PTPRD: variants seen among roughly 807,000 people sequenced by gnomAD.
PTPRD encodes protein tyrosine phosphatase receptor type D, also known as receptor-type tyrosine-protein phosphatase delta.
PTPRD carries 34 observed loss-of-function variants against 214.5 expected under a neutral mutation model. The ratio of observed to expected loss-of-function variants is 0.16; its 90% confidence interval spans 0.12 to 0.21. PTPRD has a LOEUF of 0.21. Ranked by LOEUF, PTPRD falls within the 10% of genes least tolerant of loss-of-function variation. The probability of loss-of-function intolerance (pLI) is 1.00; values close to 1 mark genes in which losing one functional copy is unlikely to be tolerated. For missense variants in PTPRD, 2,545 were observed against 2,398.7 expected (o/e 1.06, Z -1.27); for synonymous variants, 1,128 against 845.7 (o/e 1.33, Z -5.79).
chr9:10,011,913 T>A (rs1165874967), intron 4 of PTPRD, among the ~76,000 whole-genome samples: 1 of 151,854 alleles, frequency 6.6e-6, no homozygotes, highest in African/African-American at 2.4e-5. Flanking sequence ...CTTCATAGAG[T>A]CCCTTCCATT....
intron 10 of PTPRD, among the ~76,000 whole-genome samples, chr9:9,161,143 C>G (rs1166553263): frequency 2.0e-5 from 3 of 152,144 alleles, no homozygotes; most frequent in African/African-American, 7.2e-5. Flanking sequence ...GGCAGGGTGA[C>G]TATAGTCAAT....
chr9:10,377,652 T>C (rs1436392444), intron 2 of PTPRD, among the ~76,000 whole-genome samples: 1 of 152,062 alleles, frequency 6.6e-6, no homozygotes, highest in African/African-American at 2.4e-5. Context: ...TAGTATTCCA[T>C]GGTGTATATA....
chr9:9,035,081 T>A (rs990427626), intron 10 of PTPRD, among the ~76,000 whole-genome samples: 1 of 152,062 alleles, frequency 6.6e-6, no homozygotes, highest in Non-Finnish European at 1.5e-5. Flanking sequence ...TGGGATTGGA[T>A]TTTTTGCATC....
intron 3 of PTPRD, among the ~76,000 whole-genome samples, chr9:10,254,927 C>A (rs867514981): frequency 6.6e-6 from 1 of 152,090 alleles, no homozygotes; most frequent in Admixed American, 6.5e-5. Flanking sequence ...TTAAGAAATC[C>A]AAATATATAT....
intron 2 of PTPRD, among the ~76,000 whole-genome samples, chr9:10,490,779 G>T (rs963624031): frequency 6.6e-6 from 1 of 151,946 alleles, no homozygotes; most frequent in Admixed American, 6.6e-5. Flanking sequence ...CAAATATTTT[G>T]GTACTTGGCT....
intron 10 of PTPRD, among the ~76,000 whole-genome samples, chr9:9,125,741 A>G (rs992195378): frequency 6.6e-6 from 1 of 152,228 alleles, no homozygotes; most frequent in Non-Finnish European, 1.5e-5. Context: ...TGTGTGGCAG[A>G]AATAAAAAAT....
chr9:9,953,220 G>A (rs2093610954), intron 4 of PTPRD, among the ~76,000 whole-genome samples: 2 of 152,226 alleles, frequency 1.3e-5, no homozygotes, highest in East Asian at 1.9e-4. Flanking sequence ...TTCTGCAGCA[G>A]TAATCAGTAA....
Position 9,379,105 on chromosome 9 carries a change from G to A in PTPRD, c.-203+18344C>T, listed in dbSNP as rs964373463. 2.0e-5 allele frequency among the ~76,000 whole-genome samples: 3 copies of A among 150,168 alleles called. No homozygotes were observed. The East Asian group carries it at 5.9e-4, about 29-fold the overall frequency. ...TATTTTGTCATCTAGAATTACTCCC[G>A]TTTTATTTTCTCTGAGTTTTATAGT... On this transcript the variant is annotated intron_variant, in intron 9 of 45. Transcript: ENST00000381196.
At chr9:9,652,683 C>A (rs538439776) in intron 7 of PTPRD, among the ~76,000 whole-genome samples, 1 of 151,094 alleles carries the variant, frequency 6.6e-6, no homozygotes, top group Non-Finnish European at 1.5e-5. Context: ...GGCACGATCT[C>A]GGCTCACTGC....
At chr9:10,060,674 A>G (rs775614146) in intron 3 of PTPRD, among the ~76,000 whole-genome samples, 2 of 148,332 alleles carry the variant, frequency 1.3e-5, no homozygotes, top group South Asian at 2.1e-4. Context: ...GATTTAATTT[A>G]TCTTATGTTT....
intron 44 of PTPRD, 44 bp downstream of exon 44, chr9:8,331,538 A>G (rs1841101448): frequency 8.4e-7 from 1 of 1,192,486 alleles, no homozygotes; most frequent in Admixed American, 2.7e-5. Flanking sequence ...ACAATGAAGA[A>G]ACACCACCAC....
chr9:9,374,372 A>C (rs1239660583), intron 9 of PTPRD, among the ~76,000 whole-genome samples: 1 of 152,138 alleles, frequency 6.6e-6, no homozygotes, highest in African/African-American at 2.4e-5. Flanking sequence ...AGTCAAAACA[A>C]AATTATATTT....
intron 9 of PTPRD, among the ~76,000 whole-genome samples, chr9:9,202,762 C>T (rs1219789176): frequency 1.3e-5 from 2 of 152,220 alleles, no homozygotes; most frequent in South Asian, 2.1e-4. Context: ...TAGCACTGAA[C>T]ACAACTGTTC....
At chr9:9,310,226 C>G (rs1176269005) in intron 9 of PTPRD, among the ~76,000 whole-genome samples, 1 of 152,034 alleles carries the variant, frequency 6.6e-6, no homozygotes, top group East Asian at 1.9e-4. Context: ...ACAGAGAAAG[C>G]ATTTGGGGAT....
At chr9:8,572,890 G>C (rs1348277596) in intron 14 of PTPRD, among the ~76,000 whole-genome samples, 1 of 151,920 alleles carries the variant, frequency 6.6e-6, no homozygotes, top group Non-Finnish European at 1.5e-5. Context: ...TATTTCCAAA[G>C]TTTCAACACA....
At chr9:9,065,422 T>A (rs1351881080) in intron 10 of PTPRD, among the ~76,000 whole-genome samples, 1 of 152,172 alleles carries the variant, frequency 6.6e-6, no homozygotes, top group Non-Finnish European at 1.5e-5. Flanking sequence ...TGTACTAGCA[T>A]GTGTGAGGAA....
intron 7 of PTPRD, among the ~76,000 whole-genome samples, chr9:9,581,565 A>C (rs1376253010): frequency 6.6e-6 from 1 of 152,164 alleles, no homozygotes; most frequent in East Asian, 1.9e-4. Flanking sequence ...TGCACATTAT[A>C]AACTCTCGAT....
intron 2 of PTPRD, among the ~76,000 whole-genome samples, chr9:10,525,663 C>T (rs1334922661): frequency 6.6e-6 from 1 of 151,800 alleles, no homozygotes; most frequent in Non-Finnish European, 1.5e-5. Flanking sequence ...ATTCTCCACA[C>T]ATATCCAGAA....
chr9:9,362,961 C>G (rs2056709291), intron 9 of PTPRD, among the ~76,000 whole-genome samples: 1 of 151,102 alleles, frequency 6.6e-6, no homozygotes, highest in African/African-American at 2.4e-5. Context: ...ATCCTTTTAT[C>G]AAATGTTTAA....
Sources: gnomAD v4.1 joint callset for allele counts (sites outside exome capture counted in the v4.1 genomes callset) on GRCh38, gnomAD v4.1.1 for gene constraint, MANE v1.5 for transcripts, NCBI Gene and HGNC (gene_info 2026-07-23, HGNC 2026-07-21) for gene names.